Variants in LIN28B observed in about 807,000 individuals in gnomAD.
LIN28B encodes lin-28 RNA binding posttranscriptional regulator B.
In LIN28B, 5 loss-of-function variants were observed where a neutral mutation model predicts 21.9. That is an observed-to-expected ratio of 0.23 (90% CI 0.12 to 0.48). The LOEUF is 0.48. LIN28B is among the 20% of genes least tolerant of loss of function. The pLI is 0.98. For synonymous variants in LIN28B, 109 were observed against 111.3 expected (o/e 0.98, Z 0.13); for missense variants, 245 against 310.5 (o/e 0.79, Z 1.58).
chr6:105,008,536 C>T (rs961969792), intron 2 of LIN28B, among the ~76,000 whole-genome samples: 12 of 151,370 alleles, frequency 7.9e-5, no homozygotes, highest in African/African-American at 2.9e-4. Flanking sequence ...CCCAGCTACT[C>T]GGGAGGCTGA....
At chr6:104,991,222 C>G (rs1004516047) in intron 2 of LIN28B, among the ~76,000 whole-genome samples, 37 of 151,088 alleles carry the variant, frequency 2.4e-4, no homozygotes, top group African/African-American at 8.3e-4. Context: ...GGGTGGCTGG[C>G]CGGGCGGGGG....
chr6:105,044,577 C>T (rs957346810), intron 3 of LIN28B, among the ~76,000 whole-genome samples: 1 of 152,096 alleles, frequency 6.6e-6, no homozygotes, highest in Non-Finnish European at 1.5e-5. Flanking sequence ...ATAGAAATTT[C>T]AATTCCCACA....
intron 2 of LIN28B, among the ~76,000 whole-genome samples, chr6:104,962,786 T>A (rs1444409449): frequency 6.6e-6 from 1 of 152,210 alleles, no homozygotes; most frequent in Non-Finnish European, 1.5e-5. Context: ...TAAAATCATT[T>A]TTCACATGAA....
chr6:104,955,393 G>C (rs1582861618), upstream of LIN28B, among the ~76,000 whole-genome samples: 1 of 149,150 alleles, frequency 6.7e-6, no homozygotes, highest in South Asian at 2.1e-4. Flanking sequence ...TTTTTCCTGA[G>C]AAATAACAAA....
chr6:105,048,329 T>C (rs895829922), intron 3 of LIN28B, among the ~76,000 whole-genome samples: 9 of 152,370 alleles, frequency 5.9e-5, no homozygotes, highest in Non-Finnish European at 1.0e-4. Flanking sequence ...GTTTATTGAT[T>C]TGCATATGTT....
intron 2 of LIN28B, chr6:104,939,380 A>G (rs1778053217): frequency 6.6e-6 from 1 of 152,238 alleles, no homozygotes; most frequent in African/African-American, 2.4e-5. Flanking sequence ...CACTAGCTCA[A>G]TGGAAAGTTG....
chr6:105,040,033 T>A (rs1771601273), intron 3 of LIN28B, among the ~76,000 whole-genome samples: 1 of 152,196 alleles, frequency 6.6e-6, no homozygotes, highest in Admixed American at 6.5e-5. Flanking sequence ...TAAATAATCA[T>A]GTTTAAATTG....
intron 2 of LIN28B, among the ~76,000 whole-genome samples, chr6:104,992,400 C>A (rs1390191748): frequency 6.6e-6 from 1 of 151,848 alleles, no homozygotes; most frequent in African/African-American, 2.4e-5. Flanking sequence ...TGGTTTAGGT[C>A]TGCAACCTTG....
At chr6:105,039,876 G>C (rs1393579839) in intron 3 of LIN28B, among the ~76,000 whole-genome samples, 1 of 152,144 alleles carries the variant, frequency 6.6e-6, no homozygotes, top group African/African-American at 2.4e-5. Context: ...TTTTCCAAGA[G>C]TTGTACCTAT....
intron 3 of LIN28B, among the ~76,000 whole-genome samples, chr6:105,076,589 A>G (rs1373189894): frequency 6.6e-6 from 1 of 152,038 alleles, no homozygotes; most frequent in Non-Finnish European, 1.5e-5. Context: ...GACTTAAGCC[A>G]ATTTTCTCAG....
intron 3 of LIN28B, among the ~76,000 whole-genome samples, chr6:105,052,315 T>C (rs1317875977): frequency 2.6e-5 from 4 of 152,096 alleles, no homozygotes; most frequent in African/African-American, 9.7e-5. Flanking sequence ...TATGAAAGAA[T>C]ACCACCGATT....
At chr6:105,031,466 G>A (rs1214458559) in intron 3 of LIN28B, among the ~76,000 whole-genome samples, 1 of 151,542 alleles carries the variant, frequency 6.6e-6, no homozygotes, top group Non-Finnish European at 1.5e-5. Context: ...GTAAGCATTG[G>A]TATATTTCTG....
At chr6:105,058,234 C>G (rs774600526) in intron 3 of LIN28B, 1 of 191,110 alleles carries the variant, frequency 5.2e-6, no homozygotes, top group Non-Finnish European at 1.1e-5. Context: ...TAGCATCTGG[C>G]TTGTGATATC....
chr6:105,035,561 C>T (rs1053950138), intron 3 of LIN28B, among the ~76,000 whole-genome samples: 1 of 152,122 alleles, frequency 6.6e-6, no homozygotes, highest in Non-Finnish European at 1.5e-5. Context: ...GGTTGCAAAA[C>T]ATCAAAGTCA....
intron 3 of LIN28B, among the ~76,000 whole-genome samples, chr6:105,031,640 TCTC>T (rs1192189159): frequency 6.6e-6 from 1 of 151,758 alleles, no homozygotes; most frequent in Non-Finnish European, 1.5e-5. Flanking sequence ...TTCACACCAT[TCTC>T]CTGCCTCAGC....
Position 104,972,740 on chromosome 6 carries a change from G to A in LIN28B, c.198+14454G>A, listed in dbSNP as rs1440391675. 2.6e-5 allele frequency among the ~76,000 whole-genome samples: 4 copies of A among 152,096 alleles called. No homozygotes were observed. In the South Asian group the frequency reaches 8.3e-4, roughly 32 times the overall value. On this transcript the variant is annotated intron_variant, in intron 2 of 3. Transcript: ENST00000345080. ...AACAGCCAGATAGATGCAGATATCT[G>A]TTTCAGTACATATTTTTTAGAGTTC... is the stretch of plus-strand genomic sequence containing the variant.
At chr6:104,972,849 G>C (rs1019022825) in intron 2 of LIN28B, among the ~76,000 whole-genome samples, 1 of 152,080 alleles carries the variant, frequency 6.6e-6, no homozygotes, top group Non-Finnish European at 1.5e-5. Flanking sequence ...GGTGGCTCAT[G>C]CCTGTAATCC....
chr6:104,954,586 C>G, upstream of LIN28B, among the ~76,000 whole-genome samples: 1 of 152,056 alleles, frequency 6.6e-6, no homozygotes, highest in East Asian at 1.9e-4. Flanking sequence ...TTAAATTCTT[C>G]ATGAACGAAT....
At chr6:104,993,909 C>A (rs1487627589) in intron 2 of LIN28B, among the ~76,000 whole-genome samples, 5 of 151,020 alleles carry the variant, frequency 3.3e-5, no homozygotes, top group African/African-American at 1.2e-4. Context: ...AAGCAATAAA[C>A]CAATCATCTT....
Sources: gnomAD v4.1 joint callset for allele counts (sites outside exome capture counted in the v4.1 genomes callset) on GRCh38, gnomAD v4.1.1 for gene constraint, MANE v1.5 for transcripts, NCBI Gene and HGNC (gene_info 2026-07-23, HGNC 2026-07-21) for gene names.